Variants in SLC11A2 observed in about 807,000 individuals in gnomAD.
SLC11A2 encodes the protein natural resistance-associated macrophage protein 2.
A neutral mutation model predicts 68.0 loss-of-function variants in SLC11A2; 38 were observed. The observed-to-expected ratio is 0.56, with a 90% CI of 0.43 to 0.73. SLC11A2 has a LOEUF of 0.73. Ranked by LOEUF, SLC11A2 falls within the 30% of genes least tolerant of loss-of-function variation. SLC11A2 has a pLI of 0.00. For missense variants in SLC11A2, 517 were observed against 690.5 expected (o/e 0.75, Z 2.82); for synonymous variants, 242 against 250.6 (o/e 0.97, Z 0.32).
Position 50,992,939 on chromosome 12 carries a change from G to A in SLC11A2, c.1078-10C>T, listed in dbSNP as rs1360283941. On this transcript the variant is annotated splice_polypyrimidine_tract_variant and intron_variant, in intron 11 of 15. Transcript: ENST00000262052. Reference sequence around the variant, plus strand: ...ATCCCAGCACAACACCCTGTGAGAGGCCAAGAGGAAGGATATGATTGTGGC... The same window carrying A: ...ATCCCAGCACAACACCCTGTGAGAGACCAAGAGGAAGGATATGATTGTGGC... 1 of 1,613,664 alleles carries A rather than the reference G, an allele frequency of 6.2e-7. No individual in the cohort carries two copies. Among genetic ancestry groups the A allele is most frequent in the South Asian group, 1.1e-5 (1 of 91,066 alleles).
intron 9 of SLC11A2, 90 bp downstream of exon 9, chr12:50,996,727 T>A: frequency 7.4e-7 from 1 of 1,343,592 alleles, no homozygotes; most frequent in South Asian, 1.2e-5. Context: ...ATGGTCCTAA[T>A]AATTGTAAAC....
chr12:51,026,679 GC>G (rs1442081244), upstream of SLC11A2, among the ~76,000 whole-genome samples: 1 of 152,096 alleles, frequency 6.6e-6, no homozygotes, highest in Non-Finnish European at 1.5e-5. Flanking sequence ...GCCCTAGTTC[GC>G]CGTGGCGCCA....
the SLC11A2 span, among the ~76,000 whole-genome samples, chr12:50,961,337 T>C: frequency 6.6e-6 from 1 of 152,174 alleles, no homozygotes; most frequent in Non-Finnish European, 1.5e-5. Flanking sequence ...AATGGGCTGT[T>C]CTTCTCTTTA....
the SLC11A2 span, among the ~76,000 whole-genome samples, chr12:50,957,032 T>G: frequency 6.6e-6 from 1 of 152,000 alleles, no homozygotes; most frequent in East Asian, 1.9e-4. Context: ...ACATTAGTCA[T>G]TTTTATTTAT....
chr12:51,009,192 G>GT, intron 2 of SLC11A2: 3 of 1,488,218 alleles, frequency 2.0e-6, no homozygotes, highest in Non-Finnish European at 2.7e-6. Flanking sequence ...TCCTGCCACA[G>GT]TTCAGGCTAA....
rs1160776172 is a variant in SLC11A2, at chr12:51,008,543, G to C, written c.116C>G (p.Ser39Cys). The part of the protein sequence containing the change: ...PAYSNPSLSQ[S>C]PGDSEEYFAT... ...GAAGTACTCCTCTGAGTCCCCAGGG[G>C]ACTGTGAAAGAGAGGGATTACTATA... Residue 39 changes from serine (S) to cysteine (C), a missense_variant, in exon 3 of 16, where the codon TCC becomes TGC. Physicochemically the swap from Ser to Cys is moderately radical, Grantham distance 112. Transcript: ENST00000262052. The C allele has an allele frequency of 6.2e-7, 1 of 1,612,112 alleles. No homozygotes were observed. Among genetic ancestry groups the C allele is most frequent in the South Asian group, 1.1e-5 (1 of 91,022 alleles).
the SLC11A2 span, among the ~76,000 whole-genome samples, chr12:50,952,413 C>T: frequency 6.6e-6 from 1 of 152,180 alleles, no homozygotes; most frequent in African/African-American, 2.4e-5. Context: ...ACCATGAACG[C>T]TACCTGATCC....
chr12:50,980,237 A>C (rs1939944680), downstream of SLC11A2: 1 of 222,012 alleles, frequency 4.5e-6, no homozygotes, highest in Non-Finnish European at 9.1e-6. Context: ...ACAACAAAAA[A>C]CGCTGGGTGC....
chr12:50,994,814 T>C (rs1424714594), intron 10 of SLC11A2, 184 bp from the exon 11 acceptor site: 6 of 541,284 alleles, frequency 1.1e-5, no homozygotes, highest in South Asian at 3.9e-5. Context: ...ATAATCCTTC[T>C]ACACCCACAG....
At position 50,988,255 on chromosome 12, in the gene SLC11A2, T is replaced by C; in HGVS notation, c.*70A>G. The C allele has an allele frequency of 6.2e-7, 1 of 1,610,600 alleles. No individual in the cohort carries two copies. Among genetic ancestry groups the C allele is most frequent in the Non-Finnish European group, 8.5e-7 (1 of 1,178,404 alleles). On this transcript the variant is annotated 3_prime_UTR_variant, in exon 16 of 16. Transcript: ENST00000262052. ...GTGCAACGGCACATACTTTTGGCTATGTTCACACAGTAAACCATAGAAACA... is the reference window on the plus strand; with the variant it reads ...GTGCAACGGCACATACTTTTGGCTACGTTCACACAGTAAACCATAGAAACA...
the SLC11A2 span, among the ~76,000 whole-genome samples, chr12:50,963,127 T>C: frequency 4.0e-5 from 6 of 151,748 alleles, no homozygotes; most frequent in African/African-American, 1.5e-4. Flanking sequence ...CCCAGCACTT[T>C]GGGAGGCCGA....
rs2136162430 is a variant in SLC11A2, at chr12:50,987,918, T to A, written c.*407A>T. 7.8e-7 allele frequency: 1 copy of A among 1,276,046 alleles called. No homozygotes were observed. The highest frequency in any genetic ancestry group is 1.0e-6 in the Non-Finnish European group (1 of 982,614). 79.0% of individuals were successfully genotyped at this position (1,276,046 alleles called of 1,614,324 possible). On this transcript the variant is annotated 3_prime_UTR_variant, in exon 16 of 16. Transcript: ENST00000262052. The stretch of plus-strand genomic sequence containing the variant: ...CCTTTAAAAATCCATTACATTTTGA[T>A]AAATAAAACTTGCATACTCATTCTG...
downstream of SLC11A2, among the ~76,000 whole-genome samples, chr12:50,974,788 G>A (rs968656076): frequency 2.6e-5 from 4 of 152,174 alleles, no homozygotes; most frequent in Admixed American, 1.3e-4. Flanking sequence ...TAAAGGGATG[G>A]AGGAAGATCT....
chr12:51,003,210 G>C (rs1282218034), intron 5 of SLC11A2, among the ~76,000 whole-genome samples: 3 of 151,766 alleles, frequency 2.0e-5, no homozygotes, highest in Non-Finnish European at 4.4e-5. Context: ...ACTCCAGCCT[G>C]GGTGAAAGAG....
chr12:50,981,662 C>T (rs754486030), downstream of SLC11A2: 18 of 1,070,714 alleles, frequency 1.7e-5, no homozygotes, highest in African/African-American at 1.1e-4. Flanking sequence ...GAGACGTTAA[C>T]GGGACACCTG....
rs764621797 is a variant in SLC11A2 at position 51,026,346 on chromosome 12, G to T, written c.-75C>A. The stretch of plus-strand genomic sequence containing the variant: ...CGCAACCACCTGACACGCCGCCCCC[G>T]CGCCCAGGGCTCCATATTCCGGGAG... On this transcript the variant is annotated 5_prime_UTR_variant, in exon 1 of 16. Transcript: ENST00000262052. The T allele has an allele frequency of 5.2e-5, 66 of 1,280,156 alleles. No homozygotes were observed. Among genetic ancestry groups the T allele is most frequent in the Non-Finnish European group, 6.0e-5 (59 of 983,332 alleles). 79.3% of individuals were successfully genotyped at this position (1,280,156 alleles called of 1,614,324 possible).
At chr12:51,009,270 T>G in intron 2 of SLC11A2, 1 of 1,297,354 alleles carries the variant, frequency 7.7e-7, no homozygotes, top group Non-Finnish European at 9.8e-7. Context: ...TGCAGTAAAG[T>G]GCCGCCGGTC....
chr12:51,025,389 A>G (rs1011948353), intron 1 of SLC11A2, among the ~76,000 whole-genome samples: 2 of 152,248 alleles, frequency 1.3e-5, no homozygotes, highest in Non-Finnish European at 2.9e-5. Flanking sequence ...TACGTGGAAC[A>G]AAAGAAGAAA....
downstream of SLC11A2, among the ~76,000 whole-genome samples, chr12:50,978,793 C>A (rs954775316): frequency 3.9e-5 from 6 of 152,090 alleles, no homozygotes; most frequent in Admixed American, 3.9e-4. Context: ...TTGCAAAAGA[C>A]TTCCTGGGCA....
Sources: allele counts gnomAD v4.1 joint callset (sites outside exome capture counted in the v4.1 genomes callset), GRCh38; gene constraint gnomAD v4.1.1; transcripts MANE v1.5; gene names NCBI Gene and HGNC (gene_info 2026-07-23, HGNC 2026-07-21).